The following ZCWPW2 variants were observed in gnomAD, a reference collection of about 807,000 sequenced individuals.
The protein encoded by ZCWPW2 is zinc finger CW-type and PWWP domain containing 2.
Under a neutral mutation model 46.6 loss-of-function variants are expected in ZCWPW2, and 45 were observed. The ratio of observed to expected loss-of-function variants is 0.96; its 90% CI spans 0.76 to 1.24. The LOEUF is 1.24. ZCWPW2 is among the 50% of genes most tolerant of loss of function. The pLI is 0.00. For synonymous variants in ZCWPW2, 152 were observed against 137.1 expected, an observed-to-expected ratio of 1.11 and a Z score of -0.76; for missense variants, 429 against 403.9, an observed-to-expected ratio of 1.06 and a Z score of -0.53.
chr3:28,428,730 T>C, intron 3 of ZCWPW2, among the ~76,000 whole-genome samples: 1 of 152,134 alleles, frequency 6.6e-6, no homozygotes. Context: ...AATTCCCCCA[T>C]GCTGTTCTCA....
chr3:28,474,589 G>A (rs1032720907), intron 4 of ZCWPW2, among the ~76,000 whole-genome samples: 9 of 74,162 alleles, frequency 1.2e-4, no homozygotes, highest in African/African-American at 3.6e-4. Context: ...AATACAGCGT[G>A]TGTGTGTGTG....
At chr3:28,423,554 G>T (rs1696883965) in intron 3 of ZCWPW2, among the ~76,000 whole-genome samples, 1 of 151,626 alleles carries the variant, frequency 6.6e-6, no homozygotes, top group African/African-American at 2.4e-5. Context: ...TTTTAGTAGA[G>T]ATGGGGTTTC....
At chr3:28,364,648 T>C (rs886763632) in intron 1 of ZCWPW2, among the ~76,000 whole-genome samples, 1 of 150,608 alleles carries the variant, frequency 6.6e-6, no homozygotes, top group South Asian at 2.1e-4. Flanking sequence ...ATGGCCATTC[T>C]TTTTTTTTAT....
Position 28,348,816 on chromosome 3 carries a change from T to A in ZCWPW2, c.-521T>A. ...GACTCGGCAGGAGCCCGGGACGTTC[T>A]GGAAGGAGGGACGAGCCGAGGCAGG... is the stretch of plus-strand genomic sequence containing the variant. On this transcript the variant is annotated 5_prime_UTR_variant, in exon 1 of 10. Coordinates refer to ENST00000383768, the MANE Select transcript of ZCWPW2 (RefSeq NM_001040432.4). 2 of 349,332 alleles carry A rather than the reference T, an allele frequency of 5.7e-6. No homozygotes were observed. Among genetic ancestry groups the A allele is most frequent in the Non-Finnish European group, 8.0e-6 (2 of 248,552 alleles). 21.6% of individuals were successfully genotyped at this position (349,332 alleles called of 1,614,324 possible). A position where few individuals can be genotyped will look rare whatever the true frequency, so the allele number is the denominator to read the frequency against.
intron 1 of ZCWPW2, among the ~76,000 whole-genome samples, chr3:28,360,349 CA>C (rs71087692): frequency 0.048 from 2,576 of 53,914 alleles, 26 homozygotes; most frequent in African/African-American, 0.093. Context: ...ACTAAAAATA[CA>C]AAAAAAAAAA....
chr3:28,376,087 A>G (rs1705493155), intron 1 of ZCWPW2, among the ~76,000 whole-genome samples: 1 of 152,096 alleles, frequency 6.6e-6, no homozygotes, highest in Non-Finnish European at 1.5e-5. Context: ...TATTGTAATC[A>G]GTGCTACAGC....
chr3:28,520,737 A>G (rs1700699544), intron 8 of ZCWPW2, among the ~76,000 whole-genome samples: 1 of 152,102 alleles, frequency 6.6e-6, no homozygotes, highest in South Asian at 2.1e-4. Flanking sequence ...AGCTTTTGAT[A>G]TTTCACTTCT....
intron 4 of ZCWPW2, among the ~76,000 whole-genome samples, chr3:28,471,244 A>C (rs1465880140): frequency 1.3e-5 from 2 of 152,238 alleles, no homozygotes; most frequent in African/African-American, 4.8e-5. Flanking sequence ...AATACTTTCA[A>C]ACTCATTCTA....
At chr3:28,523,891 TCACAAATTGAATAATCCATA>T (rs1379402057) in intron 9 of ZCWPW2, among the ~76,000 whole-genome samples, 2 of 152,040 alleles carry the variant, frequency 1.3e-5, no homozygotes, top group African/African-American at 4.8e-5. Context: ...CCTGAATAAT[TCACAAATTGAATAATCCATA>T]CACAAATAAA....
chr3:28,464,227 C>T (rs1228339938), intron 4 of ZCWPW2, among the ~76,000 whole-genome samples: 1 of 152,034 alleles, frequency 6.6e-6, no homozygotes, highest in Non-Finnish European at 1.5e-5. Context: ...GAAATCTACA[C>T]ACTGAAAACT....
At chr3:28,467,077 T>C (rs1698851520) in intron 4 of ZCWPW2, among the ~76,000 whole-genome samples, 1 of 152,130 alleles carries the variant, frequency 6.6e-6, no homozygotes, top group African/African-American at 2.4e-5. Flanking sequence ...GACAGATTAA[T>C]AGAAATATAT....
intron 2 of ZCWPW2, among the ~76,000 whole-genome samples, chr3:28,397,529 G>A (rs1479007593): frequency 6.6e-6 from 1 of 152,124 alleles, no homozygotes; most frequent in Non-Finnish European, 1.5e-5. Context: ...ACTTAACTGG[G>A]CTTGGTGGCA....
intron 1 of ZCWPW2, among the ~76,000 whole-genome samples, chr3:28,357,614 G>C (rs1704786993): frequency 6.6e-6 from 1 of 151,734 alleles, no homozygotes; most frequent in Admixed American, 6.6e-5. Flanking sequence ...TGGGACGTAA[G>C]TTTTCTGCCT....
chr3:28,367,365 A>C (rs1705158667), intron 1 of ZCWPW2, among the ~76,000 whole-genome samples: 1 of 152,198 alleles, frequency 6.6e-6, no homozygotes, highest in African/African-American at 2.4e-5. Context: ...CGTTTGTTTC[A>C]AAGAACATCT....
At chr3:28,376,766 G>T (rs1180880449) in intron 1 of ZCWPW2, among the ~76,000 whole-genome samples, 1 of 151,960 alleles carries the variant, frequency 6.6e-6, no homozygotes, top group African/African-American at 2.4e-5. Flanking sequence ...AACTTTTGTC[G>T]CAAAATGTAT....
chr3:28,370,638 G>A (rs1248757349), intron 1 of ZCWPW2, among the ~76,000 whole-genome samples: 2 of 152,214 alleles, frequency 1.3e-5, no homozygotes, highest in Non-Finnish European at 2.9e-5. Context: ...TAAACTGGAT[G>A]TTGGTTACAT....
chr3:28,367,642 C>A (rs1010272790), intron 1 of ZCWPW2, among the ~76,000 whole-genome samples: 1 of 152,124 alleles, frequency 6.6e-6, no homozygotes, highest in African/African-American at 2.4e-5. Flanking sequence ...GTGGAGAGTT[C>A]TGTAGATGTC....
chr3:28,399,602 A>G (rs1426802973), intron 2 of ZCWPW2, among the ~76,000 whole-genome samples: 1 of 152,214 alleles, frequency 6.6e-6, no homozygotes, highest in Non-Finnish European at 1.5e-5. Context: ...GGTTCACATC[A>G]CAGGATTCTG....
intron 5 of ZCWPW2, among the ~76,000 whole-genome samples, chr3:28,491,001 A>G (rs1052263182): frequency 1.3e-5 from 2 of 152,144 alleles, no homozygotes; most frequent in African/African-American, 4.8e-5. Flanking sequence ...CACTTACTGC[A>G]TATAAAATGT....
Sources: allele counts gnomAD v4.1 joint callset (sites outside exome capture counted in the v4.1 genomes callset), GRCh38; gene constraint gnomAD v4.1.1; transcripts MANE v1.5; gene names NCBI Gene and HGNC (gene_info 2026-07-23, HGNC 2026-07-21).